TRIM2: variants seen among roughly 807,000 people sequenced by gnomAD.
TRIM2 encodes the protein tripartite motif containing 2.
TRIM2 carries 20 observed loss-of-function variants against 75.2 expected under a neutral mutation model. The observed-to-expected ratio is 0.27, with a 90% CI of 0.19 to 0.39. The LOEUF is 0.39. TRIM2 is among the 10% of genes least tolerant of loss of function. The probability of loss-of-function intolerance (pLI) is 1.00; values close to 1 mark genes in which losing one functional copy is unlikely to be tolerated. For missense variants in TRIM2, 660 were observed against 990.8 expected, an observed-to-expected ratio of 0.67 and a Z score of 4.48; for synonymous variants, 373 against 388.3, an observed-to-expected ratio of 0.96 and a Z score of 0.46.
intron 1 of TRIM2, among the ~76,000 whole-genome samples, chr4:153,172,765 A>T (rs1408725004): frequency 1.3e-5 from 2 of 152,170 alleles, no homozygotes; most frequent in Admixed American, 1.3e-4. Context: ...TAGAGGGGGT[A>T]GTTCGACAAG....
chr4:153,167,823 G>A (rs1730464855), intron 1 of TRIM2, among the ~76,000 whole-genome samples: 1 of 152,172 alleles, frequency 6.6e-6, no homozygotes. Flanking sequence ...ACAGGCATGA[G>A]GTTCTGTCCA....
At chr4:153,328,793 A>G in intron 11 of TRIM2, 123 bp downstream of exon 11, 2 of 1,097,942 alleles carry the variant, frequency 1.8e-6, no homozygotes, top group Non-Finnish European at 2.4e-6. Context: ...AACCATAGAT[A>G]CTCTCACCAG....
chr4:153,314,688 G>A (rs953730997), intron 6 of TRIM2, among the ~76,000 whole-genome samples: 21 of 152,046 alleles, frequency 1.4e-4, no homozygotes, highest in South Asian at 4.2e-4. Flanking sequence ...AGCACCCTGC[G>A]AGAATATCTT....
intron 6 of TRIM2, among the ~76,000 whole-genome samples, chr4:153,304,102 C>A (rs1764492335): frequency 6.6e-6 from 1 of 151,388 alleles, no homozygotes; most frequent in African/African-American, 2.4e-5. Context: ...CTAGAGATGA[C>A]TTTTTTTTTC....
chr4:153,181,228 A>T (rs991211234), intron 1 of TRIM2, among the ~76,000 whole-genome samples: 1 of 152,056 alleles, frequency 6.6e-6, no homozygotes, highest in Admixed American at 6.5e-5. Context: ...TAGCAGCTCC[A>T]TGACTTGTCC....
At position 153,295,896 on chromosome 4, in the gene TRIM2, C is replaced by A; in HGVS notation, c.1370C>A (p.Thr457Asn). ...KVIRSADVSP[T>N]TEGVKRRVKS... is the part of the protein sequence containing the mutation. ...ATCCGATCCGCTGATGTGTCTCCCA[C>A]CACAGAAGGCGTGAAGAGGCGCGTT... The change falls in exon 6 of 12, where the codon ACC becomes AAC. Residue 457 changes from threonine (T) to asparagine (N), a missense_variant. By Grantham distance (65) the Thr-to-Asn change is moderately conservative. Transcript: ENST00000338700. The surrounding 1 kb of genome is among the most constrained non-coding windows in gnomAD (Gnocchi z 7.2). The A allele has an allele frequency of 6.2e-7, 1 of 1,612,894 alleles. No homozygotes were observed. The highest frequency in any genetic ancestry group is 8.5e-7 in the Non-Finnish European group (1 of 1,179,450).
chr4:153,166,576 C>T (rs1730350095), intron 1 of TRIM2, among the ~76,000 whole-genome samples: 1 of 132,710 alleles, frequency 7.5e-6, no homozygotes, highest in African/African-American at 2.7e-5. Context: ...GATGAGGTCT[C>T]ACTCCACCAC....
chr4:153,249,842 T>TA (rs1750405961), intron 1 of TRIM2, among the ~76,000 whole-genome samples: 1 of 152,208 alleles, frequency 6.6e-6, no homozygotes, highest in South Asian at 2.1e-4. Context: ...CAATACTTGA[T>TA]ACCGATGTGC....
intron 6 of TRIM2, chr4:153,308,405 C>A (rs1765502629): frequency 9.2e-6 from 8 of 866,378 alleles, no homozygotes; most frequent in Non-Finnish European, 1.6e-5. Flanking sequence ...TGGTTCCCAG[C>A]CCCTTCATGG....
At chr4:153,299,062 A>G (rs971481981) in intron 6 of TRIM2, among the ~76,000 whole-genome samples, 3 of 152,128 alleles carry the variant, frequency 2.0e-5, no homozygotes, top group Non-Finnish European at 2.9e-5. Context: ...TATAGTCACC[A>G]TGATTTACAA....
chr4:153,306,566 C>T (rs755037938), intron 6 of TRIM2, among the ~76,000 whole-genome samples: 4 of 152,060 alleles, frequency 2.6e-5, no homozygotes, highest in South Asian at 2.1e-4. Context: ...CAAAGATAGG[C>T]GTTGTAGTTC....
intron 11 of TRIM2, 93 bp from the exon 12 acceptor site, chr4:153,334,721 C>A (rs1469113331): frequency 1.6e-6 from 2 of 1,216,026 alleles, no homozygotes; most frequent in Non-Finnish European, 2.3e-6. Context: ...AAGAAAGAAA[C>A]AGAAAAACAT....
chr4:153,303,705 T>C (rs1764413057), intron 6 of TRIM2, among the ~76,000 whole-genome samples: 1 of 152,244 alleles, frequency 6.6e-6, no homozygotes, highest in Non-Finnish European at 1.5e-5. Context: ...TAGCATTAAT[T>C]TTATGCTTAA....
intron 4 of TRIM2, among the ~76,000 whole-genome samples, 190 bp downstream of exon 4, chr4:153,293,323 G>A (rs966803034): frequency 1.3e-5 from 2 of 152,194 alleles, no homozygotes; most frequent in Non-Finnish European, 2.9e-5. Flanking sequence ...TCTGCCTGTT[G>A]GTAGAACTCC....
chr4:153,249,194 G>C (rs1750127135), intron 1 of TRIM2, among the ~76,000 whole-genome samples: 1 of 152,292 alleles, frequency 6.6e-6, no homozygotes, highest in Admixed American at 6.5e-5. Flanking sequence ...AAACCTAGAG[G>C]GGGTGGGGGA....
At chr4:153,319,623 G>A (rs1040980970) in intron 8 of TRIM2, among the ~76,000 whole-genome samples, 18 of 151,994 alleles carry the variant, frequency 1.2e-4, no homozygotes, top group South Asian at 2.1e-4. Context: ...CCAGCTACTC[G>A]GGAGGCTGAG....
chr4:153,244,437 T>TCTTCTTCTTCTTCTTCTTCCTCTTC (rs1206105496), intron 1 of TRIM2, among the ~76,000 whole-genome samples: 3 of 102,522 alleles, frequency 2.9e-5, no homozygotes, highest in African/African-American at 5.4e-5. Flanking sequence ...TTCTTCTTCT[T>TCTTCTTCTTCTTCTTCTTCCTCTTC]TTAATTAGAG....
chr4:153,249,814 C>G (rs902301961), intron 1 of TRIM2, among the ~76,000 whole-genome samples: 2 of 152,212 alleles, frequency 1.3e-5, no homozygotes, highest in African/African-American at 2.4e-5. Flanking sequence ...GGTAATGGAG[C>G]TCTGCTTAAG....
At chr4:153,219,528 T>C (rs1739392648) in intron 1 of TRIM2, among the ~76,000 whole-genome samples, 1 of 152,080 alleles carries the variant, frequency 6.6e-6, no homozygotes, top group Admixed American at 6.5e-5. Context: ...CATGTGGCCA[T>C]TGAGAGAAAA....
Sources: allele counts gnomAD v4.1 joint callset (sites outside exome capture counted in the v4.1 genomes callset), GRCh38; gene constraint gnomAD v4.1.1; non-coding constraint Gnocchi (gnomAD v3.1); transcripts MANE v1.5; gene names NCBI Gene and HGNC (gene_info 2026-07-23, HGNC 2026-07-21).